CSMD3: variants seen among roughly 807,000 people sequenced by gnomAD.
CSMD3 encodes the protein CUB and sushi domain-containing protein 3.
Under a neutral mutation model 435.2 loss-of-function variants are expected in CSMD3, and 177 were observed. That is an observed-to-expected ratio of 0.41 (90% CI 0.36 to 0.46). The LOEUF (loss-of-function observed/expected upper bound fraction) is 0.46. Ranked by LOEUF, CSMD3 falls within the 20% of genes least tolerant of loss-of-function variation. CSMD3 has a pLI of 0.34. For missense variants in CSMD3, 4,265 were observed against 4,504.6 expected, an observed-to-expected ratio of 0.95 and a Z score of 1.52; for synonymous variants, 1,656 against 1,520.5, an observed-to-expected ratio of 1.09 and a Z score of -2.07.
At chr8:113,192,778 A>C (rs1364601598) in intron 3 of CSMD3, among the ~76,000 whole-genome samples, 1 of 149,472 alleles carries the variant, frequency 6.7e-6, no homozygotes, top group African/African-American at 2.5e-5. Flanking sequence ...TCATTTTAGA[A>C]GTTTTCTTCT....
intron 9 of CSMD3, among the ~76,000 whole-genome samples, chr8:112,946,857 C>A (rs940736552): frequency 6.6e-6 from 1 of 151,462 alleles, no homozygotes; most frequent in Non-Finnish European, 1.5e-5. Flanking sequence ...CCAAGTATAG[C>A]AAAATGTAAC....
chr8:113,271,256 A>C (rs949916212), intron 3 of CSMD3, among the ~76,000 whole-genome samples: 1 of 152,214 alleles, frequency 6.6e-6, no homozygotes, highest in Admixed American at 6.5e-5. Flanking sequence ...CTAAGTAACA[A>C]GGCACTTAAT....
chr8:112,772,243 C>A (rs1224882127), intron 13 of CSMD3, among the ~76,000 whole-genome samples: 1 of 151,964 alleles, frequency 6.6e-6, no homozygotes, highest in African/African-American at 2.4e-5. Flanking sequence ...TAAGAGACTC[C>A]ATTTTGTTCT....
At chr8:112,409,130 A>C in intron 32 of CSMD3, 98 bp from the exon 33 acceptor site, 2 of 1,573,466 alleles carry the variant, frequency 1.3e-6, no homozygotes, top group Non-Finnish European at 8.6e-7. Context: ...GAGAGAACAA[A>C]GTATTACAAT....
Position 112,638,914 on chromosome 8 carries a change from A to G in CSMD3, c.3311-3T>C. On this transcript the variant is annotated splice_polypyrimidine_tract_variant and splice_region_variant and intron_variant, in intron 20 of 70. Transcript: ENST00000297405. Reference sequence around the variant, plus strand: ...AGTGTGGAAGTTGAACTGCACACCTATTAAGAAAAATAGAAACACTGAATT... The same window carrying G: ...AGTGTGGAAGTTGAACTGCACACCTGTTAAGAAAAATAGAAACACTGAATT... 1 of 1,588,824 alleles carries G rather than the reference A, an allele frequency of 6.3e-7. No homozygotes were observed. The highest frequency in any genetic ancestry group is 8.6e-7 in the Non-Finnish European group (1 of 1,157,320).
intron 27 of CSMD3, among the ~76,000 whole-genome samples, chr8:112,523,658 T>C (rs1377371): frequency 0.85 from 128,997 of 151,998 alleles, 55,030 homozygotes; most frequent in African/African-American, 0.93. Context: ...TCAAATCAAT[T>C]AGAAAATATT....
intron 6 of CSMD3, among the ~76,000 whole-genome samples, chr8:113,015,206 G>C (rs973589263): frequency 6.6e-6 from 1 of 151,982 alleles, no homozygotes; most frequent in African/African-American, 2.4e-5. Flanking sequence ...GTATATGAAA[G>C]GGCATTTTCG....
At chr8:112,651,439 A>G (rs1470527762) in intron 18 of CSMD3, among the ~76,000 whole-genome samples, 1 of 152,190 alleles carries the variant, frequency 6.6e-6, no homozygotes, top group Admixed American at 6.5e-5. Flanking sequence ...TTTTAATGAG[A>G]AACTAAAATA....
chr8:112,409,745 T>G (rs780924440), intron 32 of CSMD3, among the ~76,000 whole-genome samples: 32 of 151,988 alleles, frequency 2.1e-4, no homozygotes, highest in Non-Finnish European at 3.7e-4. Context: ...TCCTCCATTT[T>G]TACTTATCCT....
chr8:112,426,842 T>G (rs2130350023), intron 32 of CSMD3, among the ~76,000 whole-genome samples: 1 of 152,352 alleles, frequency 6.6e-6, no homozygotes, highest in Admixed American at 6.5e-5. Flanking sequence ...AAACTCCAAT[T>G]ATGTACAAAA....
rs1416992368 is a variant in CSMD3 at position 112,460,998 on chromosome 8, A to G, written c.5395+11593T>C. 3.9e-5 allele frequency among the ~76,000 whole-genome samples: 6 copies of G among 152,274 alleles called. No individual in the cohort carries two copies. In the South Asian group the frequency reaches 8.3e-4, roughly 21 times the overall value. ...CTATCAATCTTCTAACCTATTTGAA[A>G]TATAATTTATTGAGTTTTCAAATAC... is the stretch of plus-strand genomic sequence containing the variant. On this transcript the variant is annotated intron_variant, in intron 32 of 70. Transcript: ENST00000297405.
Position 113,314,702 on chromosome 8 carries a change from G to A in CSMD3, c.270C>T (p.Asn90=), listed in dbSNP as rs764331979. 1.2e-6 allele frequency: 2 copies of A among 1,612,550 alleles called. No individual in the cohort carries two copies. Among genetic ancestry groups the A allele is most frequent in the Non-Finnish European group, 1.7e-6 (2 of 1,178,904 alleles). Residue 90 remains asparagine (N), a synonymous_variant, in exon 2 of 71, where the codon AAC becomes AAT. Coordinates refer to ENST00000297405, the MANE Select transcript of CSMD3 (RefSeq NM_198123.2). ...GFPYGYPNGA[N]CTWVIIAEER... is the part of the protein sequence containing the mutation. Reference sequence around the variant, plus strand: ...CTTCTGCTATTATTACCCATGTGCAGTTTGCACCATTTGGATATCCATATG... The same window carrying A: ...CTTCTGCTATTATTACCCATGTGCAATTTGCACCATTTGGATATCCATATG...
intron 32 of CSMD3, among the ~76,000 whole-genome samples, chr8:112,449,193 A>G (rs910056406): frequency 1.3e-5 from 2 of 152,208 alleles, no homozygotes; most frequent in African/African-American, 4.8e-5. Flanking sequence ...TTTAGAAGGC[A>G]GTTCAAGGAT....
At chr8:112,324,196 G>T (rs1823279779) in intron 45 of CSMD3, among the ~76,000 whole-genome samples, 1 of 151,802 alleles carries the variant, frequency 6.6e-6, no homozygotes. Flanking sequence ...ACTTTCCTGG[G>T]TGCTTTGTAT....
In CSMD3 at chr8:112,690,065, G is replaced by T; in HGVS notation, c.1973-15C>A. On this transcript the variant is annotated splice_polypyrimidine_tract_variant and intron_variant, in intron 13 of 70. Transcript: ENST00000297405. ...TTTCTCAATTTCTGGAAAAATAGAA[G>T]ATAAAAGTCACCTTCCAAGGGTTGC... 1 of 1,608,202 alleles carries T rather than the reference G, an allele frequency of 6.2e-7. No homozygotes were observed. Among genetic ancestry groups the T allele is most frequent in the Non-Finnish European group, 8.5e-7 (1 of 1,175,046 alleles).
intron 1 of CSMD3, among the ~76,000 whole-genome samples, chr8:113,363,119 T>C (rs1044954201): frequency 6.6e-6 from 1 of 152,216 alleles, no homozygotes; most frequent in African/African-American, 2.4e-5. Context: ...TTCATTAAGT[T>C]ACATTGACTC....
At chr8:113,122,004 G>C (rs1021766659) in intron 4 of CSMD3, among the ~76,000 whole-genome samples, 1 of 152,038 alleles carries the variant, frequency 6.6e-6, no homozygotes, top group African/African-American at 2.4e-5. Flanking sequence ...TTGATATTTT[G>C]TGTTCAGTAC....
chr8:112,737,832 T>C (rs1258099376), intron 13 of CSMD3, among the ~76,000 whole-genome samples: 1 of 151,830 alleles, frequency 6.6e-6, no homozygotes, highest in Non-Finnish European at 1.5e-5. Context: ...AATGTAACAA[T>C]GAAGAAAAAC....
At chr8:112,614,726 G>A (rs1241770332) in intron 22 of CSMD3, among the ~76,000 whole-genome samples, 1 of 151,952 alleles carries the variant, frequency 6.6e-6, no homozygotes, top group South Asian at 2.1e-4. Flanking sequence ...TACAAAGTTA[G>A]ATATTGAATT....
Sources: gnomAD v4.1 joint callset for allele counts (sites outside exome capture counted in the v4.1 genomes callset) on GRCh38, gnomAD v4.1.1 for gene constraint, MANE v1.5 for transcripts, NCBI Gene and HGNC (gene_info 2026-07-23, HGNC 2026-07-21) for gene names.